The following EPB41L5 variants were observed in gnomAD, a reference collection of about 807,000 sequenced individuals.
EPB41L5 encodes the protein erythrocyte membrane protein band 4.1 like 5, also known as band 4.1-like protein 5.
Under a neutral mutation model 106.6 loss-of-function variants are expected in EPB41L5, and 55 were observed. That is an observed-to-expected ratio of 0.52 (90% CI 0.42 to 0.65). The LOEUF (loss-of-function observed/expected upper bound fraction) is 0.65. Among genes scored for constraint, EPB41L5 ranks in the 30% least tolerant of loss-of-function variants. EPB41L5 has a pLI of 0.00. For synonymous variants in EPB41L5, 297 were observed against 306.7 expected (o/e 0.97, Z 0.33); for missense variants, 871 against 882.1 (o/e 0.99, Z 0.16).
At chr2:120,068,946 G>A (rs544275884) in intron 3 of EPB41L5, among the ~76,000 whole-genome samples, 111 of 151,804 alleles carry the variant, frequency 7.3e-4, no homozygotes, top group Non-Finnish European at 1.4e-3. Context: ...TGACCAACAT[G>A]GAGTAACCCT....
At chr2:120,089,001 G>A (rs914431679) in intron 11 of EPB41L5, among the ~76,000 whole-genome samples, 13 of 151,970 alleles carry the variant, frequency 8.6e-5, no homozygotes, top group Admixed American at 2.6e-4. Context: ...TGCAAGTATC[G>A]TCTACTCCTT....
chr2:120,071,880 C>G (rs1303778318), intron 3 of EPB41L5, among the ~76,000 whole-genome samples: 1 of 152,114 alleles, frequency 6.6e-6, no homozygotes, highest in East Asian at 1.9e-4. Flanking sequence ...GCAAAAACTT[C>G]AAACTAAAAC....
chr2:120,021,971 A>T (rs1033157272), intron 2 of EPB41L5, among the ~76,000 whole-genome samples: 3 of 152,188 alleles, frequency 2.0e-5, no homozygotes, highest in African/African-American at 7.2e-5. Context: ...TTCTTCCTTT[A>T]AAGAAAAAAA....
chr2:120,155,477 G>C (rs1387424336), intron 20 of EPB41L5, among the ~76,000 whole-genome samples: 2 of 152,000 alleles, frequency 1.3e-5, no homozygotes, highest in Non-Finnish European at 2.9e-5. Flanking sequence ...ATGTCTGTTG[G>C]GGATCTCTTG....
Position 120,090,465 on chromosome 2 carries a change from A to G in EPB41L5, c.992A>G (p.Lys331Arg). ...AFFRLRGPVQ[K>R]SSHRSGFIRL... The stretch of plus-strand genomic sequence containing the variant: ...TTCCGCCTTCGAGGCCCCGTCCAAA[A>G]GAGTTCTCATCGATCAGGATTTATT... Residue 331 changes from lysine to arginine, a missense_variant, in exon 12 of 25, where the codon AAG (lysine) becomes AGG (arginine). Coordinates refer to ENST00000263713, the MANE Select transcript of EPB41L5 (RefSeq NM_020909.4). 1 of 1,613,798 alleles carries G rather than the reference A, an allele frequency of 6.2e-7. No individual in the cohort carries two copies. Among genetic ancestry groups the G allele is most frequent in the Non-Finnish European group, 8.5e-7 (1 of 1,179,834 alleles).
At chr2:120,049,391 G>A (rs960882077) in intron 3 of EPB41L5, among the ~76,000 whole-genome samples, 4 of 152,108 alleles carry the variant, frequency 2.6e-5, no homozygotes, top group African/African-American at 7.2e-5. Flanking sequence ...TCTTCTTGTT[G>A]AATTGATCCC....
intron 16 of EPB41L5, among the ~76,000 whole-genome samples, chr2:120,103,477 C>T (rs576397693): frequency 1.1e-4 from 16 of 152,166 alleles, no homozygotes; most frequent in East Asian, 3.9e-4. Flanking sequence ...ATATAAGGAG[C>T]GATGATTCTC....
At chr2:120,142,933 AGTCT>A in intron 18 of EPB41L5, 66 bp from the exon 19 acceptor site, 3 of 1,363,106 alleles carry the variant, frequency 2.2e-6, no homozygotes, top group Non-Finnish European at 3.1e-6. Flanking sequence ...AACTTTCATC[AGTCT>A]ATTTCCTATT....
chr2:120,105,241 G>A (rs1185116977), intron 16 of EPB41L5: 1 of 982,990 alleles, frequency 1.0e-6, no homozygotes, highest in Non-Finnish European at 1.2e-6. Flanking sequence ...AACATGTTAA[G>A]GGAAGCATTT....
chr2:120,141,903 A>G (rs1358173264), intron 18 of EPB41L5, among the ~76,000 whole-genome samples: 2 of 152,068 alleles, frequency 1.3e-5, no homozygotes, highest in Non-Finnish European at 2.9e-5. Flanking sequence ...AGTGTTTCCT[A>G]ACAGTCATCT....
intron 3 of EPB41L5, among the ~76,000 whole-genome samples, chr2:120,068,797 G>A (rs1275127425): frequency 6.7e-6 from 1 of 150,146 alleles, no homozygotes; most frequent in Admixed American, 6.8e-5. Flanking sequence ...TAAAGGGAGG[G>A]AGGAATATTT....
intron 3 of EPB41L5, among the ~76,000 whole-genome samples, chr2:120,059,969 C>G (rs1438113260): frequency 6.6e-6 from 1 of 152,158 alleles, no homozygotes; most frequent in African/African-American, 2.4e-5. Context: ...CATGAAGAGA[C>G]ATTTCACCTG....
rs192415791 is a variant in EPB41L5, at chr2:120,027,966, G to A, written c.180+8702G>A. ...CAACCTCCACCTCCTGGGTTCAAGC[G>A]ATTCTACTGCCTCAGTCTTCCGAGT... is the stretch of plus-strand genomic sequence containing the variant. On this transcript the variant is annotated intron_variant, in intron 2 of 24. Coordinates refer to ENST00000263713, the MANE Select transcript of EPB41L5 (RefSeq NM_020909.4). Among the ~76,000 whole-genome samples the A allele has an allele frequency of 1.6e-3, 245 of 152,044 alleles. 2 individuals carry two copies. Among genetic ancestry groups the A allele is most frequent in the African/African-American group, 5.4e-3 (225 of 41,486 alleles).
In EPB41L5 at chr2:120,159,260, T is replaced by TAA. The variant is rs755674025; in HGVS notation, c.1794-1608_1794-1607dup. Among the ~76,000 whole-genome samples, 967 of 124,368 alleles carry TAA rather than the reference T, an allele frequency of 7.8e-3. 12 individuals are homozygous for TAA. The highest frequency in any genetic ancestry group is 0.026 in the African/African-American group (901 of 34,186). 81.6% of individuals were successfully genotyped at this position (124,368 alleles called of 152,430 possible). ...TAACACAGTGAAACCCCGTCTCTAC[T>TAA]AAAAAAAAAAAAAACAGCCGGGTGT... On this transcript the variant is annotated intron_variant, in intron 20 of 24. Transcript: ENST00000263713.
At chr2:120,145,574 A>C (rs138775695) in intron 19 of EPB41L5, among the ~76,000 whole-genome samples, 1 of 152,210 alleles carries the variant, frequency 6.6e-6, no homozygotes, top group Non-Finnish European at 1.5e-5. Context: ...GGGAGATAGT[A>C]GAAATGTTAC....
chr2:120,168,428 CCAATA>C (rs1687515266), intron 24 of EPB41L5, among the ~76,000 whole-genome samples: 1 of 152,154 alleles, frequency 6.6e-6, no homozygotes, highest in Non-Finnish European at 1.5e-5. Flanking sequence ...GATGCCTTTA[CCAATA>C]CATGTTGTGA....
chr2:120,165,782 A>C (rs1378198997), intron 22 of EPB41L5, among the ~76,000 whole-genome samples: 7 of 152,120 alleles, frequency 4.6e-5, no homozygotes, highest in Non-Finnish European at 7.4e-5. Context: ...AGCCTGGCCA[A>C]CATGGTGAAA....
chr2:120,085,958 C>A (rs1285928327), intron 10 of EPB41L5, among the ~76,000 whole-genome samples: 1 of 152,114 alleles, frequency 6.6e-6, no homozygotes, highest in Non-Finnish European at 1.5e-5. Flanking sequence ...CCTGTAATCC[C>A]CACCAAGGCA....
At chr2:120,146,351 TCTC>T in intron 20 of EPB41L5, 62 bp downstream of exon 20, 1 of 1,219,536 alleles carries the variant, frequency 8.2e-7, no homozygotes, top group South Asian at 1.3e-5. Flanking sequence ...TTTTTTTTCT[TCTC>T]AGTCTGTCAC....
Sources: gnomAD v4.1 joint callset for allele counts (sites outside exome capture counted in the v4.1 genomes callset) on GRCh38, gnomAD v4.1.1 for gene constraint, MANE v1.5 for transcripts, NCBI Gene and HGNC (gene_info 2026-07-23, HGNC 2026-07-21) for gene names.